Variants in PCDHA4 observed in about 807,000 individuals in gnomAD.
The protein encoded by PCDHA4 is protocadherin alpha-4.
In PCDHA4, 49 loss-of-function variants were observed where a neutral mutation model predicts 61.4. The observed-to-expected ratio is 0.80, with a 90% confidence interval of 0.63 to 1.01. PCDHA4 has a LOEUF of 1.01. Among genes scored for constraint, PCDHA4 ranks in the 50% least tolerant of loss-of-function variants. PCDHA4 has a pLI of 0.00. For missense variants in PCDHA4, 1,254 were observed against 1,235.8 expected (o/e 1.01, Z -0.22); for synonymous variants, 590 against 550.3 (o/e 1.07, Z -1.01).
At chr5:140,850,110 G>T in intron 1 of PCDHA4, 1 of 1,596,146 alleles carries the variant, frequency 6.3e-7, no homozygotes, top group South Asian at 1.1e-5. Flanking sequence ...GAGCGCGCGC[G>T]ACGCGGGCGT....
Position 140,838,372 on chromosome 5 carries a change from C to T in PCDHA4, c.2385+28800C>T, listed in dbSNP as rs2150288337. ...ATCTGGGACTCAAGTGATCTGACTG[C>T]CTCAGCCTCCCAATGTGCTGGGATT... On this transcript the variant is annotated intron_variant, in intron 1 of 3. Transcript: ENST00000530339. Among the ~76,000 whole-genome samples the T allele has an allele frequency of 3.3e-5, 5 of 151,128 alleles. No homozygotes were observed. In the South Asian group the frequency reaches 1.0e-3, roughly 32 times the overall value.
intron 1 of PCDHA4, among the ~76,000 whole-genome samples, chr5:140,891,837 G>T (rs563744812): frequency 2.9e-4 from 44 of 152,264 alleles, no homozygotes; most frequent in Admixed American, 1.9e-3. Flanking sequence ...AAAAGGACTT[G>T]ATGGAAGGAG....
chr5:140,904,773 CATT>C (rs2071382352), intron 1 of PCDHA4, among the ~76,000 whole-genome samples: 1 of 152,076 alleles, frequency 6.6e-6, no homozygotes, highest in Non-Finnish European at 1.5e-5. Flanking sequence ...GATGGTATCA[CATT>C]ATTGTTTTAA....
At chr5:140,917,906 G>C (rs1334892378) in intron 1 of PCDHA4, among the ~76,000 whole-genome samples, 1 of 151,938 alleles carries the variant, frequency 6.6e-6, no homozygotes, top group East Asian at 1.9e-4. Flanking sequence ...TGTTAGGATA[G>C]TTTGTTTTTC....
At chr5:140,815,129 AAAATC>A (rs1554126683) in intron 1 of PCDHA4, 1 of 152,170 alleles carries the variant, frequency 6.6e-6, no homozygotes, top group African/African-American at 2.4e-5. Flanking sequence ...GTCTTTAAAA[AAAATC>A]AATTCAACCA....
intron 1 of PCDHA4, chr5:140,828,334 T>C (rs2150154149): frequency 1.9e-6 from 3 of 1,614,224 alleles, no homozygotes; most frequent in East Asian, 4.5e-5. Context: ...ATCTGCAGAA[T>C]GGCATTTTGT....
intron 3 of PCDHA4, among the ~76,000 whole-genome samples, chr5:141,007,284 C>T (rs2098312696): frequency 6.6e-6 from 1 of 151,430 alleles, no homozygotes; most frequent in Admixed American, 6.6e-5. Context: ...GTGCAGTGGG[C>T]TCATGCCTGT....
At chr5:140,917,657 G>A (rs1382905790) in intron 1 of PCDHA4, among the ~76,000 whole-genome samples, 2 of 152,156 alleles carry the variant, frequency 1.3e-5, no homozygotes, top group Admixed American at 1.3e-4. Context: ...TATTGAGTAG[G>A]AAGTCCTTTC....
At chr5:140,906,982 G>A (rs1298159889) in intron 1 of PCDHA4, among the ~76,000 whole-genome samples, 3 of 152,140 alleles carry the variant, frequency 2.0e-5, no homozygotes, top group African/African-American at 7.2e-5. Flanking sequence ...TCTTCTGGTG[G>A]CAGCATTCCT....
At chr5:140,830,280 G>C (rs2150184170) in intron 1 of PCDHA4, 5 of 1,613,766 alleles carry the variant, frequency 3.1e-6, no homozygotes, top group Admixed American at 1.7e-5. Flanking sequence ...CCCACCGAGG[G>C]CGCGTGCACG....
At chr5:140,887,767 A>G (rs782237653) in intron 1 of PCDHA4, among the ~76,000 whole-genome samples, 6 of 152,194 alleles carry the variant, frequency 3.9e-5, no homozygotes, top group African/African-American at 7.2e-5. Context: ...CATATGTTAC[A>G]ATGACACAGG....
intron 1 of PCDHA4, chr5:140,857,310 A>G (rs781828328): frequency 6.3e-7 from 1 of 1,598,492 alleles, no homozygotes; most frequent in Non-Finnish European, 8.6e-7. Context: ...TCGGCCTATG[A>G]GCTGGTGGTG....
At chr5:140,927,015 G>C in intron 1 of PCDHA4, 1 of 1,612,466 alleles carries the variant, frequency 6.2e-7, no homozygotes, top group Non-Finnish European at 8.5e-7. Context: ...ATCTCTCCGC[G>C]GACTTGAGGC....
intron 1 of PCDHA4, among the ~76,000 whole-genome samples, chr5:140,910,422 C>T (rs1184807086): frequency 6.6e-6 from 1 of 152,148 alleles, no homozygotes; most frequent in Non-Finnish European, 1.5e-5. Flanking sequence ...TCCAATTATT[C>T]CCATTGCATT....
chr5:140,971,500 TAGG>T (rs2096483491), intron 1 of PCDHA4, among the ~76,000 whole-genome samples: 2 of 152,136 alleles, frequency 1.3e-5, no homozygotes, highest in Admixed American at 1.3e-4. Flanking sequence ...TGTGGCAAGA[TAGG>T]AGCAAAAGCC....
At chr5:140,847,137 TA>T (rs1554141666) in intron 1 of PCDHA4, among the ~76,000 whole-genome samples, 1 of 149,712 alleles carries the variant, frequency 6.7e-6, no homozygotes, top group Non-Finnish European at 1.5e-5. Context: ...AAAACCAATG[TA>T]AGAAGATCTC....
intron 1 of PCDHA4, among the ~76,000 whole-genome samples, chr5:140,840,813 G>A (rs1465831729): frequency 6.6e-6 from 1 of 152,040 alleles, no homozygotes; most frequent in South Asian, 2.1e-4. Context: ...ATATACCAGT[G>A]TTTCTGGTGA....
At chr5:140,884,533 G>T in intron 1 of PCDHA4, 1 of 1,614,082 alleles carries the variant, frequency 6.2e-7, no homozygotes, top group Non-Finnish European at 8.5e-7. Flanking sequence ...AGCAGAGGCG[G>T]CCGAGGGTGT....
intron 1 of PCDHA4, chr5:140,848,977 A>C (rs2150427682): frequency 6.2e-7 from 1 of 1,600,464 alleles, no homozygotes; most frequent in South Asian, 1.1e-5. Context: ...TCCGATGCAG[A>C]TATCGGGGAG....
Sources: allele counts gnomAD v4.1 joint callset (sites outside exome capture counted in the v4.1 genomes callset), GRCh38; gene constraint gnomAD v4.1.1; transcripts MANE v1.5; gene names NCBI Gene and HGNC (gene_info 2026-07-23, HGNC 2026-07-21).